Variants in MEFV observed in about 807,000 individuals in gnomAD.
MEFV encodes MEFV innate immunity regulator, pyrin, also known as pyrin.
MEFV carries 60 observed loss-of-function variants against 62.5 expected under a neutral mutation model. The ratio of observed to expected loss-of-function variants is 0.96; its 90% CI spans 0.78 to 1.19. The LOEUF is 1.19. Among genes scored for constraint, MEFV ranks in the 50% most tolerant of loss-of-function variants. The pLI, the probability that MEFV is intolerant of heterozygous loss-of-function variation, is 0.00. For synonymous variants in MEFV, 500 were observed against 415.2 expected, an observed-to-expected ratio of 1.20 and a Z score of -2.48; for missense variants, 1,169 against 1,004.5, an observed-to-expected ratio of 1.16 and a Z score of -2.21.
intron 6 of MEFV, among the ~76,000 whole-genome samples, chr16:3,245,108 G>A (rs954098505): frequency 2.6e-5 from 4 of 151,982 alleles, no homozygotes; most frequent in Non-Finnish European, 4.4e-5. Context: ...GCAACATGGC[G>A]AAACCCTGTC....
rs1015345944 is a variant in MEFV, at chr16:3,254,650, C to G, written c.418G>C (p.Ala140Pro). The G allele has an allele frequency of 1.9e-6, 3 of 1,608,536 alleles. No homozygotes were observed. In the East Asian group the frequency reaches 6.7e-5, roughly 36 times the overall value. The change falls in exon 2 of 10, where the codon GCC (alanine) becomes CCC (proline). Residue 140 changes from alanine (A) to proline (P), a missense_variant. Transcript: ENST00000219596. Reference protein sequence around the residue: ...NGPRPYGGGAASLRCSQPEAG... With the variant: ...NGPRPYGGGAPSLRCSQPEAG... ...TCGGGCTGGCTGCACCGCAGGCTGG[C>G]AGCTCCGCCCCCGTACGGCCGAGGG...
intron 8 of MEFV, 144 bp from the exon 9 acceptor site, chr16:3,244,036 C>A (rs1257535812): frequency 6.4e-7 from 1 of 1,552,562 alleles, no homozygotes; most frequent in Non-Finnish European, 8.7e-7. Flanking sequence ...CCCGTTCCTC[C>A]CAGGAACCCA....
At chr16:3,254,060 G>A (rs1172123266) in intron 2 of MEFV, 98 bp downstream of exon 2, 4 of 1,375,846 alleles carry the variant, frequency 2.9e-6, no homozygotes, top group Admixed American at 1.9e-5. Flanking sequence ...CTCCCGCCCT[G>A]GCCTCCCAAA....
intron 2 of MEFV, among the ~76,000 whole-genome samples, chr16:3,252,459 G>C (rs1166769942): frequency 6.6e-6 from 1 of 152,084 alleles, no homozygotes; most frequent in African/African-American, 2.4e-5. Context: ...ATTTTTAGTA[G>C]AGATGGCGTT....
At chr16:3,255,644 C>A (rs1320394165) in intron 1 of MEFV, among the ~76,000 whole-genome samples, 1 of 151,946 alleles carries the variant, frequency 6.6e-6, no homozygotes, top group African/African-American at 2.4e-5. Flanking sequence ...TGAGCTCTAG[C>A]AATCCACCCA....
At chr16:3,250,633 A>T (rs941230112) in intron 2 of MEFV, among the ~76,000 whole-genome samples, 1 of 151,748 alleles carries the variant, frequency 6.6e-6, no homozygotes, top group African/African-American at 2.4e-5. Flanking sequence ...AGGGCTAAAG[A>T]CTGGAACTCA....
chr16:3,256,531 A>G lies in MEFV; in HGVS notation c.57T>C (p.Tyr19=). Residue 19 remains tyrosine (Y), a synonymous_variant, in exon 1 of 10, where the codon TAT becomes TAC. Transcript: ENST00000219596. ...LLSTLEELVP[Y]DFEKFKFKLQ... ...GCTTGAACTTGAACTTCTCGAAGTC[A>G]TAGGGCACCAGCTCCTCCAGGGTGG... 6.2e-7 allele frequency: 1 copy of G among 1,614,208 alleles called. No homozygotes were observed. Among genetic ancestry groups the G allele is most frequent in the Non-Finnish European group, 8.5e-7 (1 of 1,180,044 alleles).
In MEFV at chr16:3,254,516, G is replaced by T; in HGVS notation, c.552C>A (p.Gly184=). The part of the protein sequence containing the change: ...KPRTRSPALP[G]GRSPGPCRAL... ...CCCTGCAGGGGCCGGGGCTTCTCCCGCCCGGCAGGGCCGGGCTCCGGGTCC... is the reference window on the plus strand; with the variant it reads ...CCCTGCAGGGGCCGGGGCTTCTCCCTCCCGGCAGGGCCGGGCTCCGGGTCC... Residue 184 remains glycine, a synonymous_variant, in exon 2 of 10, where the codon GGC becomes GGA. Transcript: ENST00000219596. 6.4e-7 allele frequency: 1 copy of T among 1,556,160 alleles called. No individual in the cohort carries two copies. The highest frequency in any genetic ancestry group is 8.7e-7 in the Non-Finnish European group (1 of 1,154,810).
intron 6 of MEFV, 22 bp from the exon 7 acceptor site, chr16:3,244,610 C>G (rs1318099946): frequency 6.3e-7 from 1 of 1,590,624 alleles, no homozygotes; most frequent in Non-Finnish European, 8.6e-7. Context: ...AGACTGTTGA[C>G]CAGAGAAGGC....
intron 2 of MEFV, among the ~76,000 whole-genome samples, chr16:3,252,564 G>A (rs941789058): frequency 6.6e-6 from 1 of 151,726 alleles, no homozygotes; most frequent in African/African-American, 2.4e-5. Flanking sequence ...ATGAGCCACC[G>A]CACCCGGCCT....
In MEFV at chr16:3,244,112, G is replaced by A. The variant is rs541121140; in HGVS notation, c.1759+142C>T. 57 of 1,554,526 alleles carry A rather than the reference G, an allele frequency of 3.7e-5. No individual in the cohort carries two copies. The East Asian group carries it at 1.3e-3, about 36-fold the overall frequency. The stretch of plus-strand genomic sequence containing the variant: ...AATGAGTCACGCACAGAGCCTGGGG[G>A]GCCTGCCATGACCTTTCTCCTACCT... On this transcript the variant is annotated intron_variant, in intron 8 of 9. Transcript: ENST00000219596.
intron 6 of MEFV, among the ~76,000 whole-genome samples, chr16:3,245,444 C>T (rs934044925): frequency 2.0e-5 from 3 of 152,044 alleles, no homozygotes; most frequent in Admixed American, 6.6e-5. Context: ...GAGTTTGAGA[C>T]CAGCCTGGCT....
Position 3,243,631 on chromosome 16 carries a change from C to T in MEFV, c.1856G>A (p.Ser619Asn). The T allele has an allele frequency of 1.3e-6, 2 of 1,598,750 alleles. No individual in the cohort carries two copies. Among genetic ancestry groups the T allele is most frequent in the Non-Finnish European group, 1.7e-6 (2 of 1,172,500 alleles). ...PNLIFSDDLK[S>N]VRLGNKWERL... is the part of the protein sequence containing the mutation. ...CTCCCACTTGTTTCCAAGTCTAACA[C>T]TCTTCAGATCATCAGAGAAGATGAG... The change falls in exon 10 of 10, where the codon AGT becomes AAT. Residue 619 changes from serine to asparagine, a missense_variant. Ser to Asn is a conservative substitution (Grantham distance 46, BLOSUM62 1). Coordinates refer to ENST00000219596, the MANE Select transcript of MEFV (RefSeq NM_000243.3).
intron 4 of MEFV, 106 bp downstream of exon 4, chr16:3,248,803 C>G: frequency 1.3e-6 from 2 of 1,598,770 alleles, no homozygotes; most frequent in South Asian, 1.1e-5. Flanking sequence ...GAGGAGGTGG[C>G]CATCCCTGCT....
intron 2 of MEFV, among the ~76,000 whole-genome samples, chr16:3,251,023 CA>C (rs58529756): frequency 0.14 from 7,102 of 49,462 alleles, 132 homozygotes; most frequent in South Asian, 0.26. Flanking sequence ...GACTCCATCT[CA>C]AAAAAAAAAA....
In MEFV at chr16:3,242,971, C is replaced by A; in HGVS notation, c.*170G>T. The A allele has an allele frequency of 1.4e-6, 1 of 709,110 alleles. No individual in the cohort carries two copies. Among genetic ancestry groups the A allele is most frequent in the Non-Finnish European group, 2.4e-6 (1 of 412,768 alleles). 43.9% of individuals were successfully genotyped at this position (709,110 alleles called of 1,614,324 possible). On this transcript the variant is annotated 3_prime_UTR_variant, in exon 10 of 10. Transcript: ENST00000219596. ...CTTCACCCGGATTGACTAACATGTT[C>A]GTTCCTAACTTACCTCTGCTATAAT...
chr16:3,242,361 CAAAA>C lies in MEFV; in HGVS notation c.*776_*779del, dbSNP rs60407399. 8 of 73,288 alleles carry C rather than the reference CAAAA, an allele frequency of 1.1e-4. No individual in the cohort carries two copies. The highest frequency in any genetic ancestry group is 1.4e-4 in the African/African-American group (3 of 21,054). The allele number at this position is 73,288 out of a possible 1,614,324, so 4.5% of individuals were successfully genotyped here. On this transcript the variant is annotated 3_prime_UTR_variant, in exon 10 of 10. Coordinates refer to ENST00000219596, the MANE Select transcript of MEFV (RefSeq NM_000243.3). ...GGGTGACAAGAGCAAAACTTTGTCT[CAAAA>C]AAAAAAAAAAAAAAGAATCATAGGC...
rs104895141 is a variant in MEFV, at chr16:3,243,708, T to G, written c.1793-14A>C. ...GAATCACATTAACTGCAAAGAAAAT[T>G]TGAATACCTAGGTAGGGGTCCATGG... On this transcript the variant is annotated splice_polypyrimidine_tract_variant and intron_variant, in intron 9 of 9. Coordinates refer to ENST00000219596, the MANE Select transcript of MEFV (RefSeq NM_000243.3). 5 of 1,610,572 alleles carry G rather than the reference T, an allele frequency of 3.1e-6. No individual in the cohort carries two copies. The African/African-American group carries it at 4.0e-5, about 13-fold the overall frequency.
chr16:3,243,966 A>C, intron 8 of MEFV, 74 bp from the exon 9 acceptor site: 1 of 1,595,360 alleles, frequency 6.3e-7, no homozygotes, highest in South Asian at 1.1e-5. Context: ...CACTGTCCTG[A>C]CAACAAGGAA....
Sources: gnomAD v4.1 joint callset for allele counts (sites outside exome capture counted in the v4.1 genomes callset) on GRCh38, gnomAD v4.1.1 for gene constraint, MANE v1.5 for transcripts, NCBI Gene and HGNC (gene_info 2026-07-23, HGNC 2026-07-21) for gene names.